The following EYA2 variants were observed in gnomAD, a reference collection of about 807,000 sequenced individuals.
EYA2 encodes the protein EYA transcriptional coactivator and phosphatase 2, also known as protein phosphatase EYA2.
EYA2 carries 31 observed loss-of-function variants against 69.2 expected under a neutral mutation model. The observed-to-expected ratio is 0.45, with a 90% CI of 0.34 to 0.60. The LOEUF (loss-of-function observed/expected upper bound fraction) is 0.60, where lower values mean the gene tolerates loss of function less well. EYA2 is among the 20% of genes least tolerant of loss of function. The pLI is 0.02. For synonymous variants in EYA2, 257 were observed against 279.4 expected (o/e 0.92, Z 0.80); for missense variants, 622 against 701.2 (o/e 0.89, Z 1.28).
intron 15 of EYA2, among the ~76,000 whole-genome samples, chr20:47,187,255 G>A (rs564844899): frequency 6.6e-6 from 1 of 151,892 alleles, no homozygotes; most frequent in Non-Finnish European, 1.5e-5. Context: ...TGTTGTCCCA[G>A]CTACCCGGGA....
intron 9 of EYA2, among the ~76,000 whole-genome samples, chr20:47,114,910 C>T (rs766692163): frequency 1.3e-5 from 2 of 152,188 alleles, no homozygotes; most frequent in Non-Finnish European, 2.9e-5. Context: ...CCCACTTGGC[C>T]TTCTGCCATG....
chr20:47,126,697 GC>G (rs2033199826), intron 9 of EYA2, among the ~76,000 whole-genome samples: 1 of 152,138 alleles, frequency 6.6e-6, no homozygotes, highest in African/African-American at 2.4e-5. Flanking sequence ...TAAGGACCAA[GC>G]TTTTTCATTA....
intron 1 of EYA2, among the ~76,000 whole-genome samples, chr20:46,984,960 A>G (rs866720691): frequency 1.4e-4 from 22 of 152,254 alleles, no homozygotes; most frequent in Non-Finnish European, 7.3e-5. Flanking sequence ...TAACATACAC[A>G]TGTTTAAATC....
intron 7 of EYA2, among the ~76,000 whole-genome samples, chr20:47,086,935 T>C (rs1294598580): frequency 6.6e-6 from 1 of 152,082 alleles, no homozygotes; most frequent in Non-Finnish European, 1.5e-5. Flanking sequence ...GGCAAACAAA[T>C]GTTTTCTAAG....
At chr20:46,919,286 C>G (rs1985072016) in intron 1 of EYA2, among the ~76,000 whole-genome samples, 1 of 152,216 alleles carries the variant, frequency 6.6e-6, no homozygotes, top group South Asian at 2.1e-4. Flanking sequence ...ATTGACTTCT[C>G]CTCTCTAGCT....
rs1288456224 is a variant in EYA2, at chr20:47,188,595, T to C, written c.*462T>C. 1 of 411,266 alleles carries C rather than the reference T, an allele frequency of 2.4e-6. No individual in the cohort carries two copies. The highest frequency in any genetic ancestry group is 2.0e-5 in the African/African-American group (1 of 49,348). 25.5% of individuals were successfully genotyped at this position (411,266 alleles called of 1,614,324 possible). A position where few individuals can be genotyped will look rare whatever the true frequency, so the allele number is the denominator to read the frequency against. ...TATGTGGGGTGGTTCACAGTTCTAA[T>C]GTAAGCACTCTATTCTCCAAGTTGT... On this transcript the variant is annotated 3_prime_UTR_variant, in exon 16 of 16. Transcript: ENST00000327619.
At chr20:47,046,084 G>A (rs771987498) in intron 5 of EYA2, among the ~76,000 whole-genome samples, 1 of 152,162 alleles carries the variant, frequency 6.6e-6, no homozygotes, top group South Asian at 2.1e-4. Flanking sequence ...CCAAGATCAG[G>A]GTGCCAGCAT....
intron 1 of EYA2, among the ~76,000 whole-genome samples, chr20:46,935,098 G>A (rs1985850823): frequency 6.6e-6 from 1 of 152,220 alleles, no homozygotes; most frequent in Non-Finnish European, 1.5e-5. Flanking sequence ...GTCTAGACGG[G>A]AGTGGCTAAG....
chr20:46,922,423 C>T (rs1052892697), intron 1 of EYA2, among the ~76,000 whole-genome samples: 1 of 152,092 alleles, frequency 6.6e-6, no homozygotes, highest in East Asian at 1.9e-4. Context: ...CTGTACATTC[C>T]AAAATGTTTT....
At chr20:46,976,578 G>T (rs569046990) in intron 1 of EYA2, among the ~76,000 whole-genome samples, 3 of 152,122 alleles carry the variant, frequency 2.0e-5, no homozygotes, top group Admixed American at 2.0e-4. Context: ...GTAGAGACGG[G>T]GTTTCACCGT....
chr20:46,919,464 A>G (rs909815546), intron 1 of EYA2, among the ~76,000 whole-genome samples: 1 of 152,252 alleles, frequency 6.6e-6, no homozygotes, highest in Non-Finnish European at 1.5e-5. Flanking sequence ...CTTTTATGTT[A>G]TAAAGATGGC....
chr20:47,091,708 G>A (rs1298307742), intron 8 of EYA2, among the ~76,000 whole-genome samples: 1 of 151,822 alleles, frequency 6.6e-6, no homozygotes, highest in East Asian at 1.9e-4. Flanking sequence ...CCACACCACT[G>A]CACTCCAGCC....
At chr20:47,068,577 C>T (rs1342247988) in intron 5 of EYA2, among the ~76,000 whole-genome samples, 1 of 152,124 alleles carries the variant, frequency 6.6e-6, no homozygotes, top group East Asian at 1.9e-4. Flanking sequence ...TCTAGACTAA[C>T]TCAAATCAGA....
chr20:47,069,698 C>T (rs2031240280), intron 5 of EYA2, among the ~76,000 whole-genome samples: 3 of 152,046 alleles, frequency 2.0e-5, no homozygotes, highest in Non-Finnish European at 4.4e-5. Context: ...ATACTTATAT[C>T]AAAACATCTC....
chr20:46,951,766 G>A (rs1313511976), intron 1 of EYA2, among the ~76,000 whole-genome samples: 2 of 152,206 alleles, frequency 1.3e-5, no homozygotes, highest in Non-Finnish European at 2.9e-5. Flanking sequence ...AGAGGATGGG[G>A]GCGAGAGTGT....
chr20:46,987,946 C>A (rs1334052045), intron 1 of EYA2, among the ~76,000 whole-genome samples: 1 of 41,228 alleles, frequency 2.4e-5, no homozygotes, highest in Admixed American at 2.9e-4. Flanking sequence ...CTCTCTCTCT[C>A]TCTCTCTCTC....
At chr20:47,025,360 A>C (rs1240824489) in intron 5 of EYA2, among the ~76,000 whole-genome samples, 1 of 152,194 alleles carries the variant, frequency 6.6e-6, no homozygotes, top group East Asian at 1.9e-4. Context: ...CTTTCAAGAA[A>C]GCATTATCAC....
chr20:47,075,779 G>A (rs1218827622), intron 7 of EYA2, among the ~76,000 whole-genome samples: 2 of 152,090 alleles, frequency 1.3e-5, no homozygotes, highest in Non-Finnish European at 2.9e-5. Context: ...TGGAGGTTTA[G>A]TGTACAGATA....
At position 47,169,986 on chromosome 20, in the gene EYA2, A is replaced by C. The variant is rs903444416; in HGVS notation, c.1037+789A>C. Among the ~76,000 whole-genome samples, 3 of 151,368 alleles carry C rather than the reference A, an allele frequency of 2.0e-5. No individual in the cohort carries two copies. In the East Asian group the frequency reaches 5.9e-4, roughly 30 times the overall value. On this transcript the variant is annotated intron_variant, in intron 11 of 15. Transcript: ENST00000327619. The stretch of plus-strand genomic sequence containing the variant: ...AATGGTGTGATCTCAGCTCACTGCA[A>C]CCTCCACCTCCCAGGCTCAAGCAAT...
Sources: gnomAD v4.1 joint callset for allele counts (sites outside exome capture counted in the v4.1 genomes callset) on GRCh38, gnomAD v4.1.1 for gene constraint, MANE v1.5 for transcripts, NCBI Gene and HGNC (gene_info 2026-07-23, HGNC 2026-07-21) for gene names.